ERAP1: variants seen among roughly 807,000 people sequenced by gnomAD.
The protein encoded by ERAP1 is endoplasmic reticulum aminopeptidase 1.
In ERAP1, 86 loss-of-function variants were observed where a neutral mutation model predicts 103.7. The ratio of observed to expected loss-of-function variants is 0.83; its 90% CI spans 0.70 to 0.99. The LOEUF (loss-of-function observed/expected upper bound fraction) is 0.99. Ranked by LOEUF, ERAP1 falls within the 50% of genes least tolerant of loss-of-function variation. ERAP1 has a pLI of 0.00. For synonymous variants in ERAP1, 398 were observed against 402.4 expected, an observed-to-expected ratio of 0.99 and a Z score of 0.13; for missense variants, 1,009 against 1,128.4, an observed-to-expected ratio of 0.89 and a Z score of 1.52.
intron 10 of ERAP1, 119 bp downstream of exon 10, chr5:96,790,177 T>C: frequency 2.3e-6 from 2 of 853,884 alleles, no homozygotes; most frequent in Non-Finnish European, 3.9e-6. Flanking sequence ...AATGCAGTCT[T>C]ATCTGGAATG....
chr5:96,774,870 A>G lies in ERAP1; in HGVS notation c.*1526T>C. ...AATGGCAGATTTATGTCCAGAAGTC[A>G]CTCTATTTTGTCGTGTATTAGGGGA... On this transcript the variant is annotated 3_prime_UTR_variant, in exon 19 of 19. Coordinates refer to ENST00000443439, the MANE Select transcript of ERAP1 (RefSeq NM_001040458.3). The G allele has an allele frequency of 3.0e-6, 3 of 985,336 alleles. No homozygotes were observed. Among genetic ancestry groups the G allele is most frequent in the Non-Finnish European group, 3.6e-6 (3 of 829,856 alleles). The allele number at this position is 985,336 out of a possible 1,614,324, so 61.0% of individuals were successfully genotyped here.
the ERAP1 span, among the ~76,000 whole-genome samples, chr5:96,841,747 C>CTTTTTTTTTT: frequency 1.0e-4 from 11 of 108,528 alleles, no homozygotes; most frequent in South Asian, 3.0e-4. Context: ...TCTTCTTCTT[C>CTTTTTTTTTT]TTTTTTTTTT....
the ERAP1 span, among the ~76,000 whole-genome samples, chr5:96,850,171 C>T: frequency 1.2e-4 from 18 of 152,218 alleles, no homozygotes; most frequent in African/African-American, 4.3e-4. Flanking sequence ...GGAAAAGCTA[C>T]CCATTGGTCT....
chr5:96,777,674 TA>T (rs1030596457), intron 18 of ERAP1, among the ~76,000 whole-genome samples: 43 of 152,350 alleles, frequency 2.8e-4, no homozygotes, highest in African/African-American at 9.6e-4. Context: ...CACAGTCGAT[TA>T]AAAATCACTG....
chr5:96,788,481 A>T (rs1289649160), intron 11 of ERAP1, 50 bp downstream of exon 11: 6 of 1,605,674 alleles, frequency 3.7e-6, no homozygotes, highest in Non-Finnish European at 5.1e-6. Flanking sequence ...CCATCCTACA[A>T]GGCAGATGTT....
chr5:96,795,500 T>G (rs1777252876), intron 4 of ERAP1, among the ~76,000 whole-genome samples: 3 of 152,202 alleles, frequency 2.0e-5, no homozygotes. Context: ...CTGCCGGCAC[T>G]AGCCCAACAC....
At chr5:96,773,505 G>C (rs976695619), downstream of ERAP1, 22 of 152,210 alleles carry the variant, frequency 1.4e-4, no homozygotes, top group African/African-American at 5.1e-4. Flanking sequence ...TGTGTCTTTA[G>C]AGCTATTGCC....
Position 96,774,921 on chromosome 5 carries a change from A to G in ERAP1, c.*1475T>C, listed in dbSNP as rs1773824172. ...ACACATTTTGACATTTTTCGTACCAATCATCAATCATATTCCCTTATCTTG... is the reference window on the plus strand; with the variant it reads ...ACACATTTTGACATTTTTCGTACCAGTCATCAATCATATTCCCTTATCTTG... On this transcript the variant is annotated 3_prime_UTR_variant, in exon 19 of 19. Coordinates refer to ENST00000443439, the MANE Select transcript of ERAP1 (RefSeq NM_001040458.3). 7 of 769,528 alleles carry G rather than the reference A, an allele frequency of 9.1e-6. No individual in the cohort carries two copies. The highest frequency in any genetic ancestry group is 1.8e-5 in the African/African-American group (1 of 54,914). 47.7% of individuals were successfully genotyped at this position (769,528 alleles called of 1,614,324 possible).
the ERAP1 span, among the ~76,000 whole-genome samples, chr5:96,873,982 G>T: frequency 4.6e-5 from 7 of 151,956 alleles, no homozygotes; most frequent in Admixed American, 4.6e-4. Flanking sequence ...AGCCAACAAG[G>T]AGGGTCTCTC....
chr5:96,856,394 A>AGG, the ERAP1 span, among the ~76,000 whole-genome samples: 1 of 123,764 alleles, frequency 8.1e-6, no homozygotes, highest in Non-Finnish European at 1.7e-5. Context: ...AGAGAGAGAG[A>AGG]GCAAATACTT....
the ERAP1 span, among the ~76,000 whole-genome samples, chr5:96,875,696 C>G: frequency 3.3e-5 from 5 of 152,024 alleles, no homozygotes; most frequent in Admixed American, 6.6e-5. Flanking sequence ...AAAGAAAACA[C>G]TATTTGAGTT....
the ERAP1 span, among the ~76,000 whole-genome samples, chr5:96,866,438 A>G: frequency 2.7e-4 from 41 of 152,358 alleles, no homozygotes; most frequent in Non-Finnish European, 5.1e-4. Context: ...GACAAACATC[A>G]GTGTTTGTAA....
the ERAP1 span, among the ~76,000 whole-genome samples, chr5:96,916,549 C>A: frequency 6.7e-6 from 1 of 148,582 alleles, no homozygotes; most frequent in Non-Finnish European, 1.5e-5. Flanking sequence ...CTGCAAGCTC[C>A]GCCTCCCAGG....
At chr5:96,906,789 C>T in the ERAP1 span, among the ~76,000 whole-genome samples, 8 of 152,130 alleles carry the variant, frequency 5.3e-5, no homozygotes, top group Admixed American at 2.6e-4. Flanking sequence ...CCCAGTACTT[C>T]GTGAGGCCAA....
At chr5:96,889,724 C>T in the ERAP1 span, among the ~76,000 whole-genome samples, 2 of 152,114 alleles carry the variant, frequency 1.3e-5, no homozygotes, top group African/African-American at 4.8e-5. Context: ...TCAACGCTCT[C>T]ATCCATTATG....
At chr5:96,843,991 C>T in the ERAP1 span, among the ~76,000 whole-genome samples, 1 of 152,160 alleles carries the variant, frequency 6.6e-6, no homozygotes, top group Non-Finnish European at 1.5e-5. Context: ...CATGATTTTG[C>T]TTACCCTTGC....
the ERAP1 span, among the ~76,000 whole-genome samples, chr5:96,835,748 C>T: frequency 6.6e-6 from 1 of 152,164 alleles, no homozygotes; most frequent in African/African-American, 2.4e-5. Context: ...GCTCACAAGT[C>T]GGAAAGGCCC....
chr5:96,855,558 T>G, the ERAP1 span, among the ~76,000 whole-genome samples: 4 of 152,336 alleles, frequency 2.6e-5, no homozygotes, highest in East Asian at 7.7e-4. Flanking sequence ...ACTCTGTGAT[T>G]TTACAGTGAA....
chr5:96,896,616 A>C, the ERAP1 span: 2 of 1,456,402 alleles, frequency 1.4e-6, no homozygotes, highest in African/African-American at 3.0e-5. Context: ...TTCACTTTTT[A>C]TTTGTTCACT....
Sources: allele counts gnomAD v4.1 joint callset (sites outside exome capture counted in the v4.1 genomes callset), GRCh38; gene constraint gnomAD v4.1.1; transcripts MANE v1.5; gene names NCBI Gene and HGNC (gene_info 2026-07-23, HGNC 2026-07-21).